TBC1D19: variants seen among roughly 807,000 people sequenced by gnomAD.
The protein encoded by TBC1D19 is TBC1 domain family, member 19.
TBC1D19 carries 60 observed loss-of-function variants against 89.0 expected under a neutral mutation model. That is an observed-to-expected ratio of 0.67 (90% CI 0.55 to 0.84). The LOEUF (loss-of-function observed/expected upper bound fraction) is 0.84, where lower values mean the gene tolerates loss of function less well. Among genes scored for constraint, TBC1D19 ranks in the 40% least tolerant of loss-of-function variants. TBC1D19 has a pLI of 0.00. For missense variants in TBC1D19, 500 were observed against 610.8 expected, an observed-to-expected ratio of 0.82 and a Z score of 1.91; for synonymous variants, 189 against 199.7, an observed-to-expected ratio of 0.95 and a Z score of 0.45.
In TBC1D19 at chr4:26,620,123, A is replaced by G. The variant is rs552134403; in HGVS notation, c.219-490A>G. ...TGGCCCTGACTTTTTCTGATCCTTA[A>G]ACATTTCAAGCATTACCTCCTCAGA... On this transcript the variant is annotated intron_variant, in intron 3 of 20. Transcript: ENST00000264866. Among the ~76,000 whole-genome samples, 34 of 152,278 alleles carry G rather than the reference A, an allele frequency of 2.2e-4. 1 individual carries two copies. The highest frequency in any genetic ancestry group is 4.3e-4 in the Non-Finnish European group (29 of 68,026).
chr4:26,602,160 C>G (rs564848835), intron 1 of TBC1D19, among the ~76,000 whole-genome samples: 1 of 152,278 alleles, frequency 6.6e-6, no homozygotes, highest in Non-Finnish European at 1.5e-5. Context: ...CATGTGATAG[C>G]TCTTGTGCTA....
chr4:26,676,040 C>T (rs550178310), intron 11 of TBC1D19, among the ~76,000 whole-genome samples: 2 of 152,228 alleles, frequency 1.3e-5, no homozygotes, highest in African/African-American at 4.8e-5. Flanking sequence ...TTTTAAATTT[C>T]AGTTTGCTAA....
At chr4:26,759,482 T>A (rs1304674899), downstream of TBC1D19, among the ~76,000 whole-genome samples, 1 of 152,206 alleles carries the variant, frequency 6.6e-6, no homozygotes, top group Non-Finnish European at 1.5e-5. Flanking sequence ...ATATGTATAT[T>A]TTATGTAAAA....
At chr4:26,695,582 G>C (rs1393315040) in intron 13 of TBC1D19, among the ~76,000 whole-genome samples, 1 of 152,040 alleles carries the variant, frequency 6.6e-6, no homozygotes, top group Non-Finnish European at 1.5e-5. Flanking sequence ...TGAAGTGAAG[G>C]AAAAAATCTT....
In TBC1D19 at chr4:26,645,060, G is replaced by A. The variant is rs899153706; in HGVS notation, c.480+4873G>A. Among the ~76,000 whole-genome samples, 43 of 152,126 alleles carry A rather than the reference G, an allele frequency of 2.8e-4. No homozygotes were observed. In the South Asian group the frequency reaches 4.2e-3, roughly 15 times the overall value. ...CTCATGGATAGGAAGAATCAAAATC[G>A]TGAAAATGGCCATACTGCCCAAAGT... On this transcript the variant is annotated intron_variant, in intron 7 of 20. Transcript: ENST00000264866.
chr4:26,757,571 G>C (rs537105666), downstream of TBC1D19, among the ~76,000 whole-genome samples: 3 of 152,254 alleles, frequency 2.0e-5, no homozygotes, highest in South Asian at 6.2e-4. Context: ...AGAGTTTATT[G>C]AATAATGGTT....
In TBC1D19 at chr4:26,717,987, A is replaced by G. The variant is rs1461078418; in HGVS notation, c.1009A>G (p.Ser337Gly). The part of the protein sequence containing the change: ...TSVLSHFAFN[S>G]ASPPKSYIRG... ...TGTGTTGAGTCACTTTGCATTCAACAGTGCCTCGCCACCAAAATCATACAT... is the reference window on the plus strand; with the variant it reads ...TGTGTTGAGTCACTTTGCATTCAACGGTGCCTCGCCACCAAAATCATACAT... Residue 337 changes from serine to glycine, a missense_variant, in exon 14 of 21, where the codon AGT becomes GGT. By Grantham distance (56) the Ser-to-Gly change is moderately conservative. Coordinates refer to ENST00000264866, the MANE Select transcript of TBC1D19 (RefSeq NM_018317.4). 6.2e-7 allele frequency: 1 copy of G among 1,612,134 alleles called. No homozygotes were observed. The highest frequency in any genetic ancestry group is 8.5e-7 in the Non-Finnish European group (1 of 1,179,000).
the TBC1D19 span, among the ~76,000 whole-genome samples, chr4:26,836,104 C>T: frequency 5.9e-5 from 9 of 152,266 alleles, no homozygotes; most frequent in East Asian, 3.9e-4. Flanking sequence ...CCTCTGGAAG[C>T]ACTTCCTGAC....
chr4:26,840,229 C>T, the TBC1D19 span, among the ~76,000 whole-genome samples: 2 of 151,928 alleles, frequency 1.3e-5, no homozygotes, highest in African/African-American at 2.4e-5. Context: ...TTACATGTGC[C>T]CACCATCATG....
intron 13 of TBC1D19, among the ~76,000 whole-genome samples, chr4:26,693,906 T>C (rs1432495722): frequency 6.6e-6 from 1 of 151,936 alleles, no homozygotes; most frequent in Non-Finnish European, 1.5e-5. Flanking sequence ...TCATAAGAAA[T>C]TGTCATTCAG....
At chr4:26,643,725 T>C (rs557986919) in intron 7 of TBC1D19, among the ~76,000 whole-genome samples, 33 of 152,020 alleles carry the variant, frequency 2.2e-4, no homozygotes, top group African/African-American at 7.7e-4. Flanking sequence ...ATAGATGCAA[T>C]AAAAAATGCT....
At chr4:26,780,459 G>C in the TBC1D19 span, among the ~76,000 whole-genome samples, 1 of 152,198 alleles carries the variant, frequency 6.6e-6, no homozygotes, top group African/African-American at 2.4e-5. Context: ...ATGTGGCTCA[G>C]AGATTGAGCA....
At chr4:26,660,614 G>A (rs921003760) in intron 8 of TBC1D19, among the ~76,000 whole-genome samples, 1 of 152,180 alleles carries the variant, frequency 6.6e-6, no homozygotes, top group Middle Eastern at 3.2e-3. Flanking sequence ...GGCCATAGCA[G>A]GAGGCAGGGG....
chr4:26,628,282 T>C (rs540175289), intron 4 of TBC1D19, among the ~76,000 whole-genome samples: 3 of 152,356 alleles, frequency 2.0e-5, no homozygotes, highest in African/African-American at 4.8e-5. Flanking sequence ...CTGTTTTGAT[T>C]ACTGTAGCCT....
intron 15 of TBC1D19, among the ~76,000 whole-genome samples, chr4:26,734,932 GTGTGTATATATGTATACACATATGTATA>G (rs1468103599): frequency 3.2e-5 from 2 of 62,330 alleles, no homozygotes; most frequent in South Asian, 6.0e-4. Flanking sequence ...ACACATATAT[GTGTGTATATATGTATACACATATGTATA>G]TGTATATATG....
intron 13 of TBC1D19, among the ~76,000 whole-genome samples, chr4:26,716,838 G>A (rs1279784080): frequency 6.6e-6 from 1 of 151,682 alleles, no homozygotes; most frequent in Non-Finnish European, 1.5e-5. Context: ...CAGAGATGAG[G>A]TTTCACCATG....
chr4:26,661,271 G>T (rs1745208043), intron 8 of TBC1D19, among the ~76,000 whole-genome samples: 2 of 152,106 alleles, frequency 1.3e-5, no homozygotes, highest in Non-Finnish European at 2.9e-5. Context: ...AAAGTCTGCT[G>T]AATGGTGAGA....
At chr4:26,624,526 G>A (rs149279392) in intron 4 of TBC1D19, among the ~76,000 whole-genome samples, 172 of 152,110 alleles carry the variant, frequency 1.1e-3, no homozygotes, top group African/African-American at 3.8e-3. Flanking sequence ...AGTAATTTCT[G>A]TATACATCTT....
At chr4:26,666,630 GAA>G (rs1325038931) in intron 9 of TBC1D19, among the ~76,000 whole-genome samples, 1 of 151,844 alleles carries the variant, frequency 6.6e-6, no homozygotes, top group Non-Finnish European at 1.5e-5. Flanking sequence ...AAATGATTTT[GAA>G]AAGTCATTAG....
Sources: gnomAD v4.1 joint callset for allele counts (sites outside exome capture counted in the v4.1 genomes callset) on GRCh38, gnomAD v4.1.1 for gene constraint, MANE v1.5 for transcripts, NCBI Gene and HGNC (gene_info 2026-07-23, HGNC 2026-07-21) for gene names.